CFAP47: variants seen among roughly 807,000 people sequenced by gnomAD.
The protein encoded by CFAP47 is cilia- and flagella-associated protein 47.
In CFAP47, 29 loss-of-function variants were observed where a neutral mutation model predicts 148.1. The observed-to-expected ratio is 0.20, with a 90% CI of 0.15 to 0.27. The LOEUF is 0.27. Ranked by LOEUF, CFAP47 falls within the 10% of genes least tolerant of loss-of-function variation. The probability of loss-of-function intolerance (pLI) is 1.00; values close to 1 mark genes in which losing one functional copy is unlikely to be tolerated. For missense variants in CFAP47, 1,872 were observed against 1,697.5 expected, an observed-to-expected ratio of 1.10 and a Z score of -1.81; for synonymous variants, 664 against 577.3, an observed-to-expected ratio of 1.15 and a Z score of -2.15.
intron 45 of CFAP47, among the ~76,000 whole-genome samples, chrX:36,218,473 GACC>G (rs1233384338): frequency 8.9e-6 from 1 of 111,757 alleles, no homozygotes; most frequent in Non-Finnish European, 1.9e-5. Flanking sequence ...TCCCAAAAAT[GACC>G]ACAACTGTAG....
intron 32 of CFAP47, among the ~76,000 whole-genome samples, chrX:36,103,696 G>A (rs1451168642): frequency 9.2e-6 from 1 of 109,054 alleles, no homozygotes; most frequent in Non-Finnish European, 1.9e-5. Flanking sequence ...TTAAAGGTTT[G>A]GGATAAATCA....
At chrX:36,279,030 T>TC (rs1313555531) in intron 49 of CFAP47, among the ~76,000 whole-genome samples, 2 of 111,195 alleles carry the variant, frequency 1.8e-5, no homozygotes, top group African/African-American at 6.6e-5. Flanking sequence ...ATTTCTCACC[T>TC]CCCCCCAGAA....
At chrX:36,111,751 G>T (rs1317860167) in intron 33 of CFAP47, among the ~76,000 whole-genome samples, 1 of 111,199 alleles carries the variant, frequency 9.0e-6, no homozygotes, top group African/African-American at 3.3e-5. Flanking sequence ...GCTTTTTGTG[G>T]CTGGTAGGTT....
At chrX:36,216,432 A>G (rs1373092564) in intron 45 of CFAP47, among the ~76,000 whole-genome samples, 1 of 111,144 alleles carries the variant, frequency 9.0e-6, no homozygotes, top group East Asian at 2.9e-4. Context: ...CTTGCAGTCT[A>G]ATGAGTACCA....
chrX:36,001,071 T>G (rs1191804525), intron 20 of CFAP47, among the ~76,000 whole-genome samples: 1 of 112,201 alleles, frequency 8.9e-6, no homozygotes, highest in Non-Finnish European at 1.9e-5. Context: ...ACAGAAGGTT[T>G]CCTAATCATT....
At chrX:35,925,575 A>T (rs1935725700) in intron 1 of CFAP47, among the ~76,000 whole-genome samples, 1 of 112,286 alleles carries the variant, frequency 8.9e-6, no homozygotes, top group Non-Finnish European at 1.9e-5. Flanking sequence ...AATTAAAATT[A>T]GAAAGTCTTT....
At chrX:36,236,449 A>T (rs1276813389) in intron 47 of CFAP47, among the ~76,000 whole-genome samples, 2 of 112,260 alleles carry the variant, frequency 1.8e-5, no homozygotes, top group Non-Finnish European at 3.8e-5. Context: ...TGTGTATGAA[A>T]ATACCTATAT....
At position 35,970,914 on chromosome X, in the gene CFAP47, A is replaced by G; in HGVS notation, c.1961A>G (p.Gln654Arg). The change falls in exon 11 of 64, where the codon CAA becomes CGA. Residue 654 changes from glutamine to arginine, a missense_variant. By Grantham distance (43) the Gln-to-Arg change is conservative. Transcript: ENST00000378653. ...AGAAGTGTGCGCTTGCAGAAGAAAC[A>G]AGCAGAGAGGTAATGTTCAGTTCCT... is the stretch of plus-strand genomic sequence containing the variant. ...YLRSVRLQKK[Q>R]AERERMYSYD... 2.5e-6 allele frequency: 3 copies of G among 1,193,938 alleles called. No individual in the cohort carries two copies. Among genetic ancestry groups the G allele is most frequent in the South Asian group, 3.7e-5 (2 of 53,637 alleles).
At chrX:36,371,965 CAT>C (rs1491263330) in intron 62 of CFAP47, among the ~76,000 whole-genome samples, 2 of 96,690 alleles carry the variant, frequency 2.1e-5, no homozygotes, top group Non-Finnish European at 2.1e-5. Context: ...TATATACACA[CAT>C]GTGTATATGT....
intron 45 of CFAP47, among the ~76,000 whole-genome samples, chrX:36,225,018 ATTCT>A (rs781851297): frequency 9.7e-4 from 109 of 111,995 alleles, no homozygotes; most frequent in Admixed American, 3.2e-3. Context: ...ACTTCAAGAA[ATTCT>A]TTCTTTATGT....
intron 15 of CFAP47, among the ~76,000 whole-genome samples, chrX:35,984,335 G>C (rs1225890795): frequency 9.0e-6 from 1 of 110,824 alleles, no homozygotes; most frequent in Non-Finnish European, 1.9e-5. Context: ...CATCCATTTG[G>C]ATCTTCTCTT....
chrX:36,223,423 A>G (rs1184331003), intron 45 of CFAP47, among the ~76,000 whole-genome samples: 2 of 110,807 alleles, frequency 1.8e-5, no homozygotes, highest in Admixed American at 9.7e-5. Context: ...TAAATATTAT[A>G]CAATTATGTA....
At chrX:35,975,026 A>G (rs187887899) in intron 13 of CFAP47, 121 bp from the exon 14 acceptor site, 6 of 405,608 alleles carry the variant, frequency 1.5e-5, no homozygotes, top group East Asian at 4.3e-5. Flanking sequence ...TATTGTAAAT[A>G]TTTTTTAAAA....
chrX:36,135,163 A>G (rs1025131040), intron 33 of CFAP47, among the ~76,000 whole-genome samples: 3 of 110,640 alleles, frequency 2.7e-5, no homozygotes, highest in African/African-American at 9.9e-5. Context: ...AGTGAGGGAT[A>G]AAAGGCTACC....
chrX:36,281,674 T>A (rs1159713139), intron 50 of CFAP47, among the ~76,000 whole-genome samples: 3 of 112,512 alleles, frequency 2.7e-5, no homozygotes, highest in Non-Finnish European at 5.6e-5. Context: ...ATTTCTAAAA[T>A]AGCTTCACAG....
At chrX:35,923,299 C>T (rs759902910) in intron 1 of CFAP47, among the ~76,000 whole-genome samples, 1 of 111,533 alleles carries the variant, frequency 9.0e-6, no homozygotes, top group South Asian at 3.8e-4. Flanking sequence ...TAATATCAGC[C>T]TCACAGGACT....
intron 1 of CFAP47, among the ~76,000 whole-genome samples, chrX:35,924,232 T>G (rs945108004): frequency 1.3e-4 from 12 of 91,261 alleles, no homozygotes; most frequent in Admixed American, 8.2e-4. Flanking sequence ...TGTGTATATA[T>G]GGACATGTAT....
chrX:35,947,950 G>A (rs1183871429), intron 3 of CFAP47, among the ~76,000 whole-genome samples: 2 of 111,517 alleles, frequency 1.8e-5, no homozygotes, highest in Non-Finnish European at 3.8e-5. Context: ...CTCAGATATT[G>A]GACTTACAAT....
rs761024902 is a variant in CFAP47 at position 36,003,967 on chromosome X, C to CTTTTTTTTTT, written c.3417+2275_3417+2284dup. Among the ~76,000 whole-genome samples the CTTTTTTTTTT allele has an allele frequency of 1.1e-3, 75 of 66,327 alleles. 1 individual carries two copies. Among genetic ancestry groups the CTTTTTTTTTT allele is most frequent in the Non-Finnish European group, 1.4e-3 (52 of 36,299 alleles). The allele number at this position is 66,327 out of a possible 115,157, so 57.6% of individuals were successfully genotyped here. On this transcript the variant is annotated intron_variant, in intron 21 of 63. Transcript: ENST00000378653. ...AAATCACTAGCATTTCTTTCTTTTT[C>CTTTTTTTTTT]TTTTTTTTTTTTTTTTTTTTTTTTA...
Sources: gnomAD v4.1 joint callset for allele counts (sites outside exome capture counted in the v4.1 genomes callset) on GRCh38, gnomAD v4.1.1 for gene constraint, MANE v1.5 for transcripts, NCBI Gene and HGNC (gene_info 2026-07-23, HGNC 2026-07-21) for gene names.